Variants in THAP4 observed in about 807,000 individuals in gnomAD.
The protein encoded by THAP4 is peroxynitrite isomerase THAP4.
A neutral mutation model predicts 48.1 loss-of-function variants in THAP4; 18 were observed. The observed-to-expected ratio is 0.37, with a 90% CI of 0.26 to 0.56. THAP4 has a LOEUF of 0.56. Ranked by LOEUF, THAP4 falls within the 20% of genes least tolerant of loss-of-function variation. The pLI is 0.78. For synonymous variants in THAP4, 345 were observed against 324.9 expected (o/e 1.06, Z -0.66); for missense variants, 656 against 774.9 (o/e 0.85, Z 1.82).
chr2:241,608,971 C>A (rs192394820), intron 2 of THAP4, among the ~76,000 whole-genome samples: 2 of 152,342 alleles, frequency 1.3e-5, no homozygotes, highest in East Asian at 1.9e-4. Flanking sequence ...TGGAGAGGAA[C>A]AGGAGGCCAG....
chr2:241,627,335 T>C (rs1451868575), intron 2 of THAP4, among the ~76,000 whole-genome samples: 2 of 152,232 alleles, frequency 1.3e-5, no homozygotes, highest in Non-Finnish European at 2.9e-5. Context: ...TTGCTGAACT[T>C]AGGAAACAGG....
Position 241,622,068 on chromosome 2 carries a change from C to A in THAP4, c.1240+10849G>T, listed in dbSNP as rs2067434881. ...TTTTTCTAAATCTCTGAAAAAGAAA[C>A]TCAATATAAAGACTTATTTACGCGG... On this transcript the variant is annotated intron_variant, in intron 2 of 5. Coordinates refer to ENST00000407315, the MANE Select transcript of THAP4 (RefSeq NM_015963.6). Among the ~76,000 whole-genome samples the A allele has an allele frequency of 2.0e-5, 3 of 152,252 alleles. No homozygotes were observed. The South Asian group carries it at 6.2e-4, about 32-fold the overall frequency.
intron 5 of THAP4, among the ~76,000 whole-genome samples, chr2:241,590,564 C>T (rs1401225580): frequency 5.1e-5 from 7 of 136,266 alleles, no homozygotes; most frequent in African/African-American, 1.7e-4. Flanking sequence ...CAGAACTGCC[C>T]GGCTGATGAT....
chr2:241,623,216 AAATAAT>A (rs550843429), intron 2 of THAP4, among the ~76,000 whole-genome samples: 1 of 151,920 alleles, frequency 6.6e-6, no homozygotes, highest in Non-Finnish European at 1.5e-5. Flanking sequence ...ACTCTGTCAA[AAATAAT>A]AATAATAATA....
chr2:241,614,126 T>C (rs1035086095), intron 2 of THAP4, among the ~76,000 whole-genome samples: 124 of 148,878 alleles, frequency 8.3e-4, no homozygotes, highest in African/African-American at 2.9e-3. Flanking sequence ...TGCACTCCAG[T>C]CTGGGCAACT....
chr2:241,609,489 G>T (rs897107290), intron 2 of THAP4, among the ~76,000 whole-genome samples: 7 of 152,210 alleles, frequency 4.6e-5, no homozygotes, highest in African/African-American at 1.7e-4. Context: ...GCACTGAAAA[G>T]AAAGAGGCTT....
rs1347066176 is a variant in THAP4 at position 241,610,427 on chromosome 2, G to A, written c.1241-3954C>T. Among the ~76,000 whole-genome samples the A allele has an allele frequency of 6.6e-6, 1 of 152,194 alleles. No individual in the cohort carries two copies. Among genetic ancestry groups the A allele is most frequent in the Non-Finnish European group, 1.5e-5 (1 of 68,022 alleles). ...GGCAGAGGAGTCAGGGCGGAGGCTG[G>A]GCGGCGCTGGGCGGTGGGGCGCGCT... On this transcript the variant is annotated intron_variant, in intron 2 of 5. Transcript: ENST00000407315. The surrounding 1 kb of genome is among the most constrained non-coding windows in gnomAD (Gnocchi z 4.2).
intron 5 of THAP4, among the ~76,000 whole-genome samples, chr2:241,585,260 G>T (rs113679760): frequency 1.3e-5 from 2 of 152,120 alleles, no homozygotes; most frequent in Non-Finnish European, 2.9e-5. Context: ...AAGAATCCAA[G>T]CCTATGGCAG....
rs188856520 is a variant in THAP4 at position 241,601,210 on chromosome 2, G to A, written c.1614+686C>T. On this transcript the variant is annotated intron_variant, in intron 5 of 5. Transcript: ENST00000407315. This position sits in a 1 kb window ranked among gnomAD's most constrained non-coding sequence, Gnocchi z 4.0. ...GGAGAATCGCTTGAACCTGAGAGGC[G>A]GTGGTTGCGATGAGCCGAGATCCCA... 3.7e-3 allele frequency among the ~76,000 whole-genome samples: 558 copies of A among 152,000 alleles called. 1 individual carries two copies. Among genetic ancestry groups the A allele is most frequent in the African/African-American group, 0.013 (533 of 41,432 alleles).
chr2:241,603,087 G>A lies in THAP4; in HGVS notation c.1401-8C>T. The A allele has an allele frequency of 6.2e-7, 1 of 1,611,588 alleles. No individual in the cohort carries two copies. The highest frequency in any genetic ancestry group is 2.2e-5 in the East Asian group (1 of 44,848). ...GGGTGGAAGGAGTTGAACCTGGACG[G>A]GAAGTTGGAGTTGAGAAGCCCAGGC... is the stretch of plus-strand genomic sequence containing the variant. On this transcript the variant is annotated splice_region_variant and splice_polypyrimidine_tract_variant and intron_variant, in intron 3 of 5. Coordinates refer to ENST00000407315, the MANE Select transcript of THAP4 (RefSeq NM_015963.6).
At position 241,633,141 on chromosome 2, in the gene THAP4, C is replaced by G; in HGVS notation, c.1016G>C (p.Cys339Ser). Residue 339 changes from cysteine (C) to serine (S), a missense_variant, in exon 2 of 6, where the codon TGC becomes TCC. Coordinates refer to ENST00000407315, the MANE Select transcript of THAP4 (RefSeq NM_015963.6). This position sits in a 1 kb window ranked among gnomAD's most constrained non-coding sequence, Gnocchi z 7.5. The part of the protein sequence containing the change: ...NEVILSASGA[C>S]KLIDSLHSYC... ...GGAGTGCAGTGAGTCGATGAGCTTG[C>G]AGGCCCCTGACGCCGACAGGATGAC... is the stretch of plus-strand genomic sequence containing the variant. The G allele has an allele frequency of 6.2e-7, 1 of 1,611,028 alleles. No individual in the cohort carries two copies. The highest frequency in any genetic ancestry group is 8.5e-7 in the Non-Finnish European group (1 of 1,178,232).
rs1293889295 is a variant in THAP4 at position 241,612,843 on chromosome 2, C to G, written c.1241-6370G>C. On this transcript the variant is annotated intron_variant, in intron 2 of 5. Transcript: ENST00000407315. This position sits in a 1 kb window ranked among gnomAD's most constrained non-coding sequence, Gnocchi z 4.1. Reference sequence around the variant, plus strand: ...GTGGCAAGGATGCTACGGCTGGCCACAGCGATCCTTCCAGATTGCAGGCGC... The same window carrying G: ...GTGGCAAGGATGCTACGGCTGGCCAGAGCGATCCTTCCAGATTGCAGGCGC... Among the ~76,000 whole-genome samples, 1 of 152,208 alleles carries G rather than the reference C, an allele frequency of 6.6e-6. No homozygotes were observed. Among genetic ancestry groups the G allele is most frequent in the East Asian group, 1.9e-4 (1 of 5,192 alleles).
chr2:241,585,712 T>C (rs1342780441), intron 5 of THAP4, among the ~76,000 whole-genome samples: 1 of 151,518 alleles, frequency 6.6e-6, no homozygotes, highest in South Asian at 2.1e-4. Flanking sequence ...CTCAGACTCA[T>C]GGAGCTGGAG....
intron 2 of THAP4, among the ~76,000 whole-genome samples, chr2:241,630,706 G>A (rs987396548): frequency 5.3e-5 from 8 of 151,704 alleles, no homozygotes; most frequent in East Asian, 1.9e-4. Context: ...TTGAACCCGG[G>A]AGGTGGAGGT....
chr2:241,593,884 C>T (rs1311601750), intron 5 of THAP4, among the ~76,000 whole-genome samples: 1 of 152,114 alleles, frequency 6.6e-6, no homozygotes, highest in African/African-American at 2.4e-5. Context: ...CCAGGTTTTG[C>T]TATGTTGTCC....
chr2:241,633,185 G>T lies in THAP4; in HGVS notation c.972C>A (p.Ser324Arg), dbSNP rs1005765778. 6 of 1,608,382 alleles carry T rather than the reference G, an allele frequency of 3.7e-6. No individual in the cohort carries two copies. The highest frequency in any genetic ancestry group is 5.1e-6 in the Non-Finnish European group (6 of 1,176,416). The part of the protein sequence containing the change: ...EAVQSEHSDA[S>R]PMSINEVILS... ...GGATGACCTCGTTGATGGACATGGG[G>T]CTGGCGTCGCTGTGCTCGCTCTGCA... The change falls in exon 2 of 6, where the codon AGC becomes AGA. Residue 324 changes from serine to arginine, a missense_variant. Ser to Arg is a moderately radical substitution (Grantham distance 110). Coordinates refer to ENST00000407315, the MANE Select transcript of THAP4 (RefSeq NM_015963.6). The surrounding 1 kb of genome is among the most constrained non-coding windows in gnomAD (Gnocchi z 7.5).
At chr2:241,623,624 T>C (rs912377460) in intron 2 of THAP4, among the ~76,000 whole-genome samples, 5 of 151,110 alleles carry the variant, frequency 3.3e-5, no homozygotes, top group African/African-American at 1.2e-4. Flanking sequence ...TACAAATTAT[T>C]GATATCATTT....
intron 2 of THAP4, among the ~76,000 whole-genome samples, chr2:241,607,907 G>A (rs1297135153): frequency 5.0e-5 from 6 of 120,516 alleles, no homozygotes; most frequent in Non-Finnish European, 1.0e-4. Flanking sequence ...GACAGCTGAC[G>A]GGGACAGGAT....
intron 2 of THAP4, among the ~76,000 whole-genome samples, chr2:241,620,600 T>G (rs972266679): frequency 2.7e-5 from 3 of 112,450 alleles, no homozygotes; most frequent in Non-Finnish European, 1.8e-5. Context: ...GGTGAGTGAG[T>G]CAGTGAGTGA....
Sources: allele counts gnomAD v4.1 joint callset (sites outside exome capture counted in the v4.1 genomes callset), GRCh38; gene constraint gnomAD v4.1.1; non-coding constraint Gnocchi (gnomAD v3.1); transcripts MANE v1.5; gene names NCBI Gene and HGNC (gene_info 2026-07-23, HGNC 2026-07-21).